The following SEMA6A variants were observed in gnomAD, a reference collection of about 807,000 sequenced individuals.
The protein encoded by SEMA6A is semaphorin-6A.
A neutral mutation model predicts 96.8 loss-of-function variants in SEMA6A; 25 were observed. The observed-to-expected ratio is 0.26, with a 90% CI of 0.19 to 0.36. The LOEUF is 0.36. Among genes scored for constraint, SEMA6A ranks in the 10% least tolerant of loss-of-function variants. SEMA6A has a pLI of 1.00. For missense variants in SEMA6A, 1,363 were observed against 1,323.1 expected (o/e 1.03, Z -0.47); for synonymous variants, 612 against 518.0 (o/e 1.18, Z -2.46).
chr5:116,506,334 G>A (rs527393715), intron 1 of SEMA6A, among the ~76,000 whole-genome samples: 20 of 152,240 alleles, frequency 1.3e-4, no homozygotes, highest in African/African-American at 4.8e-4. Flanking sequence ...AATCAAAGAG[G>A]GAGACAGATT....
At chr5:116,504,516 A>T (rs1429106195) in intron 2 of SEMA6A, among the ~76,000 whole-genome samples, 1 of 152,236 alleles carries the variant, frequency 6.6e-6, no homozygotes, top group Non-Finnish European at 1.5e-5. Flanking sequence ...AAAAGCGAGT[A>T]ATACTGCCAA....
rs16372 is a variant in SEMA6A at position 116,446,264 on chromosome 5, ATGTG to A, written c.*345_*348del. Reference sequence around the variant, plus strand: ...GCGTGTGTGTGTATGTGTTGTGTGCATGTGTGTGTGTGTGTGTGTGTGGGGGTGG... The same window carrying A: ...GCGTGTGTGTGTATGTGTTGTGTGCATGTGTGTGTGTGTGTGTGGGGGTGG... On this transcript the variant is annotated 3_prime_UTR_variant, in exon 19 of 19. Coordinates refer to ENST00000343348, the MANE Select transcript of SEMA6A (RefSeq NM_020796.5). 3,278 of 175,980 alleles carry A rather than the reference ATGTG, an allele frequency of 0.019. 53 individuals are homozygous for A. The highest frequency in any genetic ancestry group is 0.023 in the Non-Finnish European group (1,995 of 88,628). The allele number at this position is 175,980 out of a possible 1,614,324, so 10.9% of individuals were successfully genotyped here.
At chr5:116,452,664 A>ATTCCTTATTTTAAAAAATGTT (rs1754715220) in intron 18 of SEMA6A, among the ~76,000 whole-genome samples, 1 of 147,372 alleles carries the variant, frequency 6.8e-6, no homozygotes, top group South Asian at 2.2e-4. Flanking sequence ...CAAACACTAC[A>ATTCCTTATTTTAAAAAATGTT]TTCCTTATTT....
At chr5:116,572,353 A>G (rs1398151004) in intron 1 of SEMA6A, among the ~76,000 whole-genome samples, 1 of 152,324 alleles carries the variant, frequency 6.6e-6, no homozygotes, top group East Asian at 1.9e-4. Flanking sequence ...CCGCAGTTCC[A>G]AAGCAGCCAC....
chr5:116,449,192 C>A (rs1754471705), intron 18 of SEMA6A: 3 of 602,736 alleles, frequency 5.0e-6, no homozygotes, highest in African/African-American at 3.8e-5. Context: ...AAAATAAAAT[C>A]TCTAATACCT....
chr5:116,456,157 A>G (rs1754998683), intron 18 of SEMA6A, among the ~76,000 whole-genome samples: 1 of 152,208 alleles, frequency 6.6e-6, no homozygotes, highest in African/African-American at 2.4e-5. Flanking sequence ...GTGAACTTAA[A>G]TAAGACAGCC....
At chr5:116,566,281 T>A (rs1278433011) in intron 1 of SEMA6A, among the ~76,000 whole-genome samples, 2 of 152,240 alleles carry the variant, frequency 1.3e-5, no homozygotes, top group Admixed American at 6.5e-5. Flanking sequence ...TAAATTTTTT[T>A]AATTGGCATG....
chr5:116,504,970 T>C lies in SEMA6A; in HGVS notation c.-26A>G. On this transcript the variant is annotated 5_prime_UTR_variant, in exon 2 of 19. Coordinates refer to ENST00000343348, the MANE Select transcript of SEMA6A (RefSeq NM_020796.5). ...AGTAGTTCAGCGGGGAGACTTTATTTCTCTACTTCACCCTGCCAAAAAGTA... is the reference window on the plus strand; with the variant it reads ...AGTAGTTCAGCGGGGAGACTTTATTCCTCTACTTCACCCTGCCAAAAAGTA... 6.7e-7 allele frequency: 1 copy of C among 1,497,926 alleles called. No individual in the cohort carries two copies. Among genetic ancestry groups the C allele is most frequent in the Non-Finnish European group, 9.1e-7 (1 of 1,093,558 alleles). 92.8% of individuals were successfully genotyped at this position (1,497,926 alleles called of 1,614,324 possible).
chr5:116,473,207 CTAAG>C (rs1756259859), intron 16 of SEMA6A, 114 bp from the exon 17 acceptor site: 4 of 982,284 alleles, frequency 4.1e-6, no homozygotes, highest in East Asian at 2.7e-5. Flanking sequence ...GTCCCCGATA[CTAAG>C]TAAGTGCTTT....
chr5:116,526,115 A>G (rs945333422), intron 1 of SEMA6A, among the ~76,000 whole-genome samples: 5 of 151,342 alleles, frequency 3.3e-5, no homozygotes, highest in Non-Finnish European at 5.9e-5. Context: ...CTCTTATTGG[A>G]TCTTCCTTTG....
Position 116,550,089 on chromosome 5 carries a change from A to AT in SEMA6A, c.-39+24095dup, listed in dbSNP as rs1013833776. 4 of 152,166 alleles carry AT rather than the reference A, an allele frequency of 2.6e-5. 1 individual carries two copies. Among genetic ancestry groups the AT allele is most frequent in the African/African-American group, 4.8e-5 (2 of 41,434 alleles). The allele number at this position is 152,166 out of a possible 1,614,324, so 9.4% of individuals were successfully genotyped here. ...AAAGGGACTGATGGTTAAAGAGTTA[A>AT]TTTTTTTAGAGGCACTTTAAATCAC... On this transcript the variant is annotated intron_variant, in intron 1 of 18. Coordinates refer to ENST00000343348, the MANE Select transcript of SEMA6A (RefSeq NM_020796.5).
At chr5:116,543,263 C>A (rs544880460) in intron 1 of SEMA6A, among the ~76,000 whole-genome samples, 33 of 152,194 alleles carry the variant, frequency 2.2e-4, no homozygotes, top group Middle Eastern at 3.4e-3. Flanking sequence ...TCCAGTAAAA[C>A]CTCCTCCCCT....
chr5:116,541,039 C>G (rs1312768053), intron 1 of SEMA6A, among the ~76,000 whole-genome samples: 3 of 152,194 alleles, frequency 2.0e-5, no homozygotes, highest in Admixed American at 6.5e-5. Context: ...TTCTGCCGCA[C>G]TTGATACTAT....
chr5:116,523,036 C>A (rs1043197769), intron 1 of SEMA6A, among the ~76,000 whole-genome samples: 2 of 152,162 alleles, frequency 1.3e-5, no homozygotes, highest in African/African-American at 4.8e-5. Flanking sequence ...GCCCACTGTG[C>A]AAGGATGTGG....
rs1200587177 is a variant in SEMA6A at position 116,488,124 on chromosome 5, T to C, written c.728A>G (p.Tyr243Cys). The C allele has an allele frequency of 1.2e-6, 2 of 1,609,252 alleles. No individual in the cohort carries two copies. The highest frequency in any genetic ancestry group is 1.3e-5 in the African/African-American group (1 of 74,850). ...YFFFREIAVEYNTMGKVVFPR... is the reference protein window; with the variant it reads ...YFFFREIAVECNTMGKVVFPR... ...CCCTCTTACCTTTCCCATGGTGTTA[T>C]ACTCCACTGCTATTTCCCTGAAGAA... The change falls in exon 9 of 19, where the codon TAT becomes TGT. Residue 243 changes from tyrosine (Y) to cysteine (C), a missense_variant. By Grantham distance (194) the Tyr-to-Cys change is radical. Around this residue, in one of 2 missense-constraint regions of SEMA6A, gnomAD observed 480 missense variants for 559.5 expected, o/e 0.86. Transcript: ENST00000343348.
chr5:116,510,424 G>A (rs1012513639), intron 1 of SEMA6A, among the ~76,000 whole-genome samples: 1 of 152,140 alleles, frequency 6.6e-6, no homozygotes, highest in Non-Finnish European at 1.5e-5. Context: ...AGAGCAGGGG[G>A]TGAAACCTGG....
intron 18 of SEMA6A, among the ~76,000 whole-genome samples, chr5:116,466,421 G>A (rs930035477): frequency 1.3e-5 from 2 of 149,982 alleles, no homozygotes; most frequent in African/African-American, 4.9e-5. Flanking sequence ...TTATTACTAA[G>A]AGGAAGTCTA....
In SEMA6A at chr5:116,486,237, T is replaced by A. The variant is rs145077444; in HGVS notation, c.962+512A>T. Among the ~76,000 whole-genome samples, 97 of 152,314 alleles carry A rather than the reference T, an allele frequency of 6.4e-4. 1 individual carries two copies. In the East Asian group the frequency reaches 0.015, roughly 23 times the overall value. ...TCCTAGATTTCACCCTGTAGCAATT[T>A]AATACATTTCCAATGTTTTAACTTC... On this transcript the variant is annotated intron_variant, in intron 10 of 18. Transcript: ENST00000343348.
intron 18 of SEMA6A, among the ~76,000 whole-genome samples, chr5:116,466,902 G>A (rs1755794069): frequency 6.6e-6 from 1 of 152,218 alleles, no homozygotes; most frequent in Non-Finnish European, 1.5e-5. Flanking sequence ...CAAGAAAAGA[G>A]ATGACATTTC....
Sources: allele counts gnomAD v4.1 joint callset (sites outside exome capture counted in the v4.1 genomes callset), GRCh38; gene constraint gnomAD v4.1.1; regional missense constraint gnomAD v4.1.1; transcripts MANE v1.5; gene names NCBI Gene and HGNC (gene_info 2026-07-23, HGNC 2026-07-21).